BCAR3: variants seen among roughly 807,000 people sequenced by gnomAD.
The protein encoded by BCAR3 is breast cancer anti-estrogen resistance protein 3.
A neutral mutation model predicts 80.1 loss-of-function variants in BCAR3; 37 were observed. The observed-to-expected ratio is 0.46, with a 90% CI of 0.36 to 0.61. The LOEUF (loss-of-function observed/expected upper bound fraction) is 0.61. BCAR3 is among the 20% of genes least tolerant of loss of function. The probability of loss-of-function intolerance (pLI) is 0.00; values close to 1 mark genes in which losing one functional copy is unlikely to be tolerated. For missense variants in BCAR3, 978 were observed against 1,068.2 expected, an observed-to-expected ratio of 0.92 and a Z score of 1.18; for synonymous variants, 389 against 418.9, an observed-to-expected ratio of 0.93 and a Z score of 0.87.
chr1:93,742,245 T>C lies in BCAR3; in HGVS notation c.-62-36103A>G, dbSNP rs141651712. Among the ~76,000 whole-genome samples, 258 of 152,354 alleles carry C rather than the reference T, an allele frequency of 1.7e-3. 2 individuals carry two copies. The highest frequency in any genetic ancestry group is 5.9e-3 in the African/African-American group (245 of 41,584). On this transcript the variant is annotated intron_variant, in intron 2 of 13. Transcript: ENST00000370244. ...AGGAGAATTAAGGTGAGGGACATTATGCTTGCTGGATTATGCCTCCTGCTA... is the reference window on the plus strand; with the variant it reads ...AGGAGAATTAAGGTGAGGGACATTACGCTTGCTGGATTATGCCTCCTGCTA...
chr1:93,758,870 G>C (rs1651836292), intron 2 of BCAR3, among the ~76,000 whole-genome samples: 1 of 152,184 alleles, frequency 6.6e-6, no homozygotes, highest in South Asian at 2.1e-4. Flanking sequence ...AACCGAATAG[G>C]AGAAAAGTCC....
In BCAR3 at chr1:93,674,680, G is replaced by A. The variant is rs1648379887; in HGVS notation, c.251C>T (p.Pro84Leu). ...CTCCTGGATGCCATCCTGGGTCACA[G>A]GCGAGTTCTGCCGTGGGGATTTGGA... is the stretch of plus-strand genomic sequence containing the variant. The part of the protein sequence containing the change: ...PHSKSPRQNS[P>L]VTQDGIQESP... Residue 84 changes from proline to leucine, a missense_variant, in exon 2 of 12, where the codon CCT becomes CTT. Pro to Leu is a moderately conservative substitution (Grantham distance 98). Coordinates refer to ENST00000260502, the MANE Select transcript of BCAR3 (RefSeq NM_003567.4). 1 of 1,613,976 alleles carries A rather than the reference G, an allele frequency of 6.2e-7. No homozygotes were observed. The highest frequency in any genetic ancestry group is 1.3e-5 in the African/African-American group (1 of 74,920).
chr1:93,741,023 TTG>T (rs2100696043), intron 2 of BCAR3, among the ~76,000 whole-genome samples: 1 of 152,338 alleles, frequency 6.6e-6, no homozygotes, highest in East Asian at 1.9e-4. Flanking sequence ...TTTTGCCTGC[TTG>T]TCTCTGAGCT....
At chr1:93,780,460 C>T (rs1652726569) in intron 2 of BCAR3, among the ~76,000 whole-genome samples, 1 of 151,990 alleles carries the variant, frequency 6.6e-6, no homozygotes, top group Non-Finnish European at 1.5e-5. Context: ...AACACAATGA[C>T]ATTCATCTGC....
chr1:93,608,435 C>G (rs1674846172), intron 3 of BCAR3, among the ~76,000 whole-genome samples: 1 of 152,208 alleles, frequency 6.6e-6, no homozygotes, highest in Admixed American at 6.5e-5. Context: ...CAGCAACAGG[C>G]CTGGGTCCCC....
intron 7 of BCAR3, among the ~76,000 whole-genome samples, chr1:93,580,454 T>C (rs1486833854): frequency 6.7e-6 from 1 of 150,292 alleles, no homozygotes; most frequent in Non-Finnish European, 1.5e-5. Context: ...CAGTCAGCCC[T>C]CCTTATCCGT....
At chr1:93,573,399 A>AAATAAC (rs1553226833) in intron 8 of BCAR3, among the ~76,000 whole-genome samples, 2 of 150,444 alleles carry the variant, frequency 1.3e-5, no homozygotes, top group Non-Finnish European at 3.0e-5. Flanking sequence ...CTCAAAACAA[A>AAATAAC]AATAATAATA....
At chr1:93,756,931 T>C (rs1049765175) in intron 2 of BCAR3, among the ~76,000 whole-genome samples, 2 of 152,116 alleles carry the variant, frequency 1.3e-5, no homozygotes, top group Non-Finnish European at 1.5e-5. Flanking sequence ...AAATTTACAC[T>C]CTAGGCTTCT....
intron 2 of BCAR3, among the ~76,000 whole-genome samples, chr1:93,799,925 T>G (rs1158174932): frequency 6.6e-6 from 1 of 152,238 alleles, no homozygotes; most frequent in African/African-American, 2.4e-5. Context: ...ATTCACTGCC[T>G]ACTGGTATGT....
At chr1:93,713,842 C>T (rs1481831592) in intron 2 of BCAR3, among the ~76,000 whole-genome samples, 1 of 152,146 alleles carries the variant, frequency 6.6e-6, no homozygotes, top group Non-Finnish European at 1.5e-5. Flanking sequence ...GAAAATTATG[C>T]CCATTTCTGG....
At chr1:93,844,492 T>C (rs1655072621) in intron 2 of BCAR3, among the ~76,000 whole-genome samples, 1 of 152,158 alleles carries the variant, frequency 6.6e-6, no homozygotes, top group African/African-American at 2.4e-5. Flanking sequence ...TTAGCTCAGG[T>C]TGTATAATGG....
chr1:93,728,678 G>C (rs767880516), intron 2 of BCAR3, among the ~76,000 whole-genome samples: 2 of 152,178 alleles, frequency 1.3e-5, no homozygotes, highest in African/African-American at 2.4e-5. Flanking sequence ...GCTGGTCAAT[G>C]GCCTGCAGGC....
At position 93,586,172 on chromosome 1, in the gene BCAR3, A is replaced by C. The variant is rs1188545614; in HGVS notation, c.930-2051T>G. Among the ~76,000 whole-genome samples, 6 of 152,008 alleles carry C rather than the reference A, an allele frequency of 3.9e-5. No homozygotes were observed. Among genetic ancestry groups the C allele is most frequent in the Non-Finnish European group, 8.8e-5 (6 of 67,984 alleles). On this transcript the variant is annotated intron_variant, in intron 5 of 11. Coordinates refer to ENST00000260502, the MANE Select transcript of BCAR3 (RefSeq NM_003567.4). This position sits in a 1 kb window ranked among gnomAD's most constrained non-coding sequence, Gnocchi z 4.2. Reference sequence around the variant, plus strand: ...TCTAAATTTTTTGTACCCATTAACCATCCCCACCTCCCTCCCATCCCCTAC... The same window carrying C: ...TCTAAATTTTTTGTACCCATTAACCCTCCCCACCTCCCTCCCATCCCCTAC...
rs901771808 is a variant in BCAR3 at position 93,563,953 on chromosome 1, C to CAA, written c.2300-1536_2300-1535dup. On this transcript the variant is annotated intron_variant, in intron 11 of 11. Coordinates refer to ENST00000260502, the MANE Select transcript of BCAR3 (RefSeq NM_003567.4). ...AGGTGATCCACCCGCCTCGACCTCCCAAAGTGCTGGGATTACAGACATTAG... is the reference window on the plus strand; with the variant it reads ...AGGTGATCCACCCGCCTCGACCTCCCAAAAAGTGCTGGGATTACAGACATTAG... Among the ~76,000 whole-genome samples the CAA allele has an allele frequency of 5.9e-5, 9 of 152,174 alleles. No homozygotes were observed. In the South Asian group the frequency reaches 8.3e-4, roughly 14 times the overall value.
chr1:93,589,802 C>T (rs181688259), intron 4 of BCAR3, among the ~76,000 whole-genome samples: 130 of 152,100 alleles, frequency 8.5e-4, no homozygotes, highest in African/African-American at 2.3e-3. Flanking sequence ...CAGGAAGTGC[C>T]GGGGAGGGGA....
intron 3 of BCAR3, among the ~76,000 whole-genome samples, chr1:93,704,859 G>A (rs193294949): frequency 2.0e-5 from 3 of 152,166 alleles, no homozygotes; most frequent in Admixed American, 2.0e-4. Context: ...ATTTTTCATG[G>A]TTTACTTACC....
At chr1:93,712,757 G>A (rs1333436152) in intron 2 of BCAR3, among the ~76,000 whole-genome samples, 1 of 152,188 alleles carries the variant, frequency 6.6e-6, no homozygotes, top group Non-Finnish European at 1.5e-5. Context: ...CTTATGAAAA[G>A]ATTGAGGCTC....
chr1:93,813,165 C>T (rs554941496), intron 2 of BCAR3, among the ~76,000 whole-genome samples: 3 of 152,222 alleles, frequency 2.0e-5, no homozygotes, highest in African/African-American at 4.8e-5. Context: ...CTGCCTTCAG[C>T]TTGGTCCACT....
At chr1:93,595,163 G>C (rs1484231924) in intron 3 of BCAR3, among the ~76,000 whole-genome samples, 1 of 152,222 alleles carries the variant, frequency 6.6e-6, no homozygotes, top group Non-Finnish European at 1.5e-5. Flanking sequence ...CCTAGAGAGA[G>C]AGAAATGAAG....
Sources: allele counts gnomAD v4.1 joint callset (sites outside exome capture counted in the v4.1 genomes callset), GRCh38; gene constraint gnomAD v4.1.1; non-coding constraint Gnocchi (gnomAD v3.1); transcripts MANE v1.5; gene names NCBI Gene and HGNC (gene_info 2026-07-23, HGNC 2026-07-21).